The following ZFAT variants were observed in gnomAD, a reference collection of about 807,000 sequenced individuals.
ZFAT encodes zinc finger protein ZFAT.
ZFAT carries 64 observed loss-of-function variants against 117.7 expected under a neutral mutation model. The observed-to-expected ratio is 0.54, with a 90% confidence interval of 0.44 to 0.67. ZFAT has a LOEUF of 0.67. Ranked by LOEUF, ZFAT falls within the 30% of genes least tolerant of loss-of-function variation. The probability of loss-of-function intolerance (pLI) is 0.00; values close to 1 mark genes in which losing one functional copy is unlikely to be tolerated. For synonymous variants in ZFAT, 679 were observed against 615.0 expected, an observed-to-expected ratio of 1.10 and a Z score of -1.54; for missense variants, 1,433 against 1,584.5, an observed-to-expected ratio of 0.90 and a Z score of 1.62.
At chr8:134,489,259 A>T (rs1239853962) in intron 15 of ZFAT, among the ~76,000 whole-genome samples, 1 of 151,950 alleles carries the variant, frequency 6.6e-6, no homozygotes, top group Non-Finnish European at 1.5e-5. Context: ...CGTGAAGAGG[A>T]TGGGCCTGAA....
At chr8:134,609,392 A>G (rs1384684969) in intron 4 of ZFAT, among the ~76,000 whole-genome samples, 1 of 152,196 alleles carries the variant, frequency 6.6e-6, no homozygotes, top group Admixed American at 6.5e-5. Flanking sequence ...ACAATTGAAA[A>G]TAGGAAATTC....
intron 11 of ZFAT, among the ~76,000 whole-genome samples, chr8:134,561,032 G>T (rs1421799193): frequency 1.3e-5 from 2 of 152,206 alleles, no homozygotes; most frequent in African/African-American, 2.4e-5. Flanking sequence ...TACTATTTGT[G>T]AATTCTCAGA....
Position 134,602,287 on chromosome 8 carries a change from T to C in ZFAT, c.1432A>G (p.Lys478Glu), listed in dbSNP as rs200147714. The C allele has an allele frequency of 5.9e-5, 96 of 1,613,924 alleles. No homozygotes were observed. The highest frequency in any genetic ancestry group is 7.8e-5 in the Non-Finnish European group (92 of 1,180,050). ...TCCTGGGCAGCCCCGTGCACCTCTT[T>C]GATGTGGGTGCGCAGCCTGATGGAG... The part of the protein sequence containing the change: ...VSSIRLRTHI[K>E]EVHGAAQEAL... The change falls in exon 6 of 16, where the codon AAA (lysine) becomes GAA (glutamate). Residue 478 changes from lysine to glutamate, a missense_variant. Lys to Glu is a moderately conservative substitution (Grantham distance 56, BLOSUM62 1). Transcript: ENST00000377838.
intron 8 of ZFAT, among the ~76,000 whole-genome samples, 161 bp downstream of exon 8, chr8:134,590,107 T>C (rs548766574): frequency 6.6e-6 from 1 of 152,360 alleles, no homozygotes; most frequent in South Asian, 2.1e-4. Context: ...AATAATTACA[T>C]CAACTTCCCA....
At chr8:134,562,197 G>A (rs529744740) in intron 11 of ZFAT, among the ~76,000 whole-genome samples, 5 of 152,280 alleles carry the variant, frequency 3.3e-5, no homozygotes, top group African/African-American at 9.6e-5. Context: ...AATACAGGTC[G>A]CGTGTAGAAG....
chr8:134,586,860 GCTGTGTGAC>G (rs1826104461), intron 9 of ZFAT, among the ~76,000 whole-genome samples: 1 of 152,196 alleles, frequency 6.6e-6, no homozygotes, highest in Non-Finnish European at 1.5e-5. Flanking sequence ...CCACTTGTTA[GCTGTGTGAC>G]CTGGGGCAAA....
At chr8:134,522,454 G>A (rs543143241) in intron 12 of ZFAT, among the ~76,000 whole-genome samples, 1 of 152,280 alleles carries the variant, frequency 6.6e-6, no homozygotes, top group Non-Finnish European at 1.5e-5. Flanking sequence ...ATCGGCCCTC[G>A]GGCCATCTCT....
At chr8:134,792,394 C>T in the ZFAT span, 8 of 152,230 alleles carry the variant, frequency 5.3e-5, no homozygotes, top group Non-Finnish European at 1.0e-4. Flanking sequence ...AAGTATTAGC[C>T]TTTAACTATG....
At chr8:134,569,120 C>T (rs771053128) in intron 10 of ZFAT, among the ~76,000 whole-genome samples, 22 of 152,254 alleles carry the variant, frequency 1.4e-4, no homozygotes, top group Non-Finnish European at 2.2e-4. Context: ...CACTGGACTA[C>T]TAGGCATCAT....
At chr8:134,621,018 T>A (rs897001719) in intron 3 of ZFAT, among the ~76,000 whole-genome samples, 2 of 152,102 alleles carry the variant, frequency 1.3e-5, no homozygotes, top group African/African-American at 4.8e-5. Flanking sequence ...TAAGGTAGTA[T>A]TTTGTTTTCA....
chr8:134,675,747 G>A (rs1037282471), intron 1 of ZFAT, among the ~76,000 whole-genome samples: 11 of 152,116 alleles, frequency 7.2e-5, no homozygotes, highest in Non-Finnish European at 1.5e-4. Context: ...CGGATCTCTC[G>A]GCAGAAACCC....
intron 11 of ZFAT, among the ~76,000 whole-genome samples, chr8:134,544,977 A>C (rs945301856): frequency 1.3e-5 from 2 of 152,228 alleles, no homozygotes; most frequent in African/African-American, 4.8e-5. Context: ...CTGGTGCACA[A>C]GCATACCAGG....
At chr8:134,754,599 T>A in the ZFAT span, among the ~76,000 whole-genome samples, 1 of 152,244 alleles carries the variant, frequency 6.6e-6, no homozygotes, top group South Asian at 2.1e-4. Flanking sequence ...TCACTCAGTC[T>A]TGCCTGCCGT....
At chr8:134,508,964 G>A (rs902081570) in intron 15 of ZFAT, among the ~76,000 whole-genome samples, 6 of 152,080 alleles carry the variant, frequency 3.9e-5, no homozygotes, top group African/African-American at 1.4e-4. Flanking sequence ...AAAATCTTTT[G>A]TAAAATGAAA....
intron 3 of ZFAT, among the ~76,000 whole-genome samples, chr8:134,613,491 A>C (rs535647817): frequency 6.6e-6 from 1 of 152,270 alleles, no homozygotes; most frequent in East Asian, 1.9e-4. Context: ...GTTGGTGGAG[A>C]AGAGAAGACT....
At chr8:134,735,279 G>A in the ZFAT span, among the ~76,000 whole-genome samples, 1 of 152,180 alleles carries the variant, frequency 6.6e-6, no homozygotes, top group African/African-American at 2.4e-5. Context: ...AAGCCTGAAA[G>A]GGTTGTGTGA....
chr8:134,773,094 A>C, the ZFAT span, among the ~76,000 whole-genome samples: 391 of 17,780 alleles, frequency 0.022, 1 homozygote, highest in African/African-American at 0.084. Flanking sequence ...ATCCCAATTC[A>C]AAAAAAAAAA....
At chr8:134,632,736 C>T (rs28606665) in intron 3 of ZFAT, among the ~76,000 whole-genome samples, 7,671 of 151,944 alleles carry the variant, frequency 0.05, 665 homozygotes, top group African/African-American at 0.17. Context: ...AAAAGCAATG[C>T]TACAAAGAAA....
At chr8:134,684,722 T>C (rs917923407) in intron 1 of ZFAT, among the ~76,000 whole-genome samples, 8 of 152,156 alleles carry the variant, frequency 5.3e-5, no homozygotes, top group African/African-American at 1.7e-4. Flanking sequence ...GCAAGATAGA[T>C]TTAGATTACG....
Sources: gnomAD v4.1 joint callset for allele counts (sites outside exome capture counted in the v4.1 genomes callset) on GRCh38, gnomAD v4.1.1 for gene constraint, MANE v1.5 for transcripts, NCBI Gene and HGNC (gene_info 2026-07-23, HGNC 2026-07-21) for gene names.